The following SMYD4 variants were observed in gnomAD, a reference collection of about 807,000 sequenced individuals.
The protein encoded by SMYD4 is SET and MYND domain containing 4.
In SMYD4, 68 loss-of-function variants were observed where a neutral mutation model predicts 72.8. The observed-to-expected ratio is 0.93, with a 90% CI of 0.77 to 1.14. The LOEUF (loss-of-function observed/expected upper bound fraction) is 1.14, where lower values mean the gene tolerates loss of function less well. SMYD4 is among the 50% of genes most tolerant of loss of function. SMYD4 has a pLI of 0.00. For missense variants in SMYD4, 984 were observed against 1,003.7 expected (o/e 0.98, Z 0.27); for synonymous variants, 407 against 388.6 (o/e 1.05, Z -0.56).
intron 2 of SMYD4, among the ~76,000 whole-genome samples, chr17:1,819,945 G>A (rs1031092588): frequency 4.6e-5 from 7 of 152,082 alleles, no homozygotes; most frequent in Non-Finnish European, 7.4e-5. Context: ...CTGACACCAC[G>A]CCCAGCTAAT....
intron 2 of SMYD4, among the ~76,000 whole-genome samples, chr17:1,823,351 G>A (rs183072184): frequency 2.8e-4 from 36 of 128,794 alleles, no homozygotes; most frequent in African/African-American, 7.9e-4. Flanking sequence ...CCGAGATCAC[G>A]CCACTGCACT....
intron 2 of SMYD4, among the ~76,000 whole-genome samples, chr17:1,815,090 G>A (rs558072244): frequency 2.0e-5 from 3 of 150,926 alleles, no homozygotes; most frequent in African/African-American, 7.3e-5. Flanking sequence ...TTGAGATGGA[G>A]TCTCACTCTG....
chr17:1,781,567 G>T, intron 10 of SMYD4, 128 bp from the exon 11 acceptor site: 2 of 1,095,102 alleles, frequency 1.8e-6, no homozygotes, highest in Non-Finnish European at 2.5e-6. Flanking sequence ...ATCTAGAACA[G>T]TAAGTAAGAC....
chr17:1,804,634 G>T lies in SMYD4; in HGVS notation c.361C>A (p.Gln121Lys). Residue 121 changes from glutamine to lysine, a missense_variant, in exon 4 of 11, where the codon CAG becomes AAG. Coordinates refer to ENST00000305513, the MANE Select transcript of SMYD4 (RefSeq NM_052928.3). The part of the protein sequence containing the change: ...NRSAALFHLG[Q>K]YETCLKDINR... ...GGTATCCTGATACTCACCTCATACT[G>T]ACCCAGGTGGAAGAGGGCTGCCGAG... The T allele has an allele frequency of 6.2e-7, 1 of 1,613,422 alleles. No homozygotes were observed. The highest frequency in any genetic ancestry group is 1.1e-5 in the South Asian group (1 of 90,996).
chr17:1,795,628 A>T (rs1909362107), intron 5 of SMYD4, among the ~76,000 whole-genome samples: 1 of 151,630 alleles, frequency 6.6e-6, no homozygotes, highest in Non-Finnish European at 1.5e-5. Flanking sequence ...TTTTTAATAG[A>T]GACGGGTTTC....
chr17:1,811,495 T>G (rs1162422781), intron 3 of SMYD4, among the ~76,000 whole-genome samples: 1 of 152,226 alleles, frequency 6.6e-6, no homozygotes, highest in East Asian at 1.9e-4. Context: ...AAAACTACCT[T>G]TTGTTTCAGA....
chr17:1,816,582 G>A (rs991875492), intron 2 of SMYD4, among the ~76,000 whole-genome samples: 6 of 150,818 alleles, frequency 4.0e-5, no homozygotes, highest in East Asian at 2.0e-4. Context: ...AGCACACCAC[G>A]GCACTCCACC....
chr17:1,814,755 G>A (rs1485732114), intron 2 of SMYD4: 1 of 152,140 alleles, frequency 6.6e-6, no homozygotes, highest in Non-Finnish European at 1.5e-5. Flanking sequence ...CCTGGGAGGT[G>A]AAGGTTGCAG....
At chr17:1,823,579 A>G (rs568648626) in intron 2 of SMYD4, among the ~76,000 whole-genome samples, 54 of 152,092 alleles carry the variant, frequency 3.6e-4, no homozygotes, top group Non-Finnish European at 7.4e-4. Flanking sequence ...CCTGCTTTCA[A>G]GTACCCTTTC....
chr17:1,796,036 G>A (rs997046740), intron 5 of SMYD4, among the ~76,000 whole-genome samples: 2 of 151,992 alleles, frequency 1.3e-5, no homozygotes, highest in African/African-American at 4.8e-5. Context: ...CATAGATAAA[G>A]CCGATGTCTC....
chr17:1,823,393 CAAAAAAAAAA>C (rs57044082), intron 2 of SMYD4, among the ~76,000 whole-genome samples: 1 of 65,586 alleles, frequency 1.5e-5, no homozygotes, highest in Non-Finnish European at 2.7e-5. Context: ...GACTCCGTCT[CAAAAAAAAAA>C]AAAAAAAAAA....
intron 2 of SMYD4, among the ~76,000 whole-genome samples, chr17:1,812,773 T>A (rs180710406): frequency 5.3e-5 from 8 of 152,138 alleles, no homozygotes; most frequent in African/African-American, 1.9e-4. Context: ...GGTCTCGAAC[T>A]CCTGACCTCA....
chr17:1,815,917 C>T (rs1175382231), intron 2 of SMYD4, among the ~76,000 whole-genome samples: 1 of 152,058 alleles, frequency 6.6e-6, no homozygotes, highest in Non-Finnish European at 1.5e-5. Context: ...CCACACTGGT[C>T]TTGAACTCCT....
At chr17:1,797,933 C>CA (rs1373707109) in intron 5 of SMYD4, among the ~76,000 whole-genome samples, 1 of 151,742 alleles carries the variant, frequency 6.6e-6, no homozygotes, top group African/African-American at 2.4e-5. Context: ...ACCTGGCAGA[C>CA]AGAGGTTGCA....
Position 1,804,684 on chromosome 17 carries a change from T to A in SMYD4, c.311A>T (p.Asp104Val), listed in dbSNP as rs1159044819. The change falls in exon 4 of 11, where the codon GAC becomes GTC. Residue 104 changes from aspartate (D) to valine (V), a missense_variant. Transcript: ENST00000305513. ...GCGGTTAGCATGACACAGTGACATG[T>A]CCTCAGTGTTAGGCCTTGAATGTGA... is the stretch of plus-strand genomic sequence containing the variant. ...GVSHSRPNTE[D>V]MSLCHANRSA... 5 of 1,613,550 alleles carry A rather than the reference T, an allele frequency of 3.1e-6. No homozygotes were observed. Among genetic ancestry groups the A allele is most frequent in the Non-Finnish European group, 4.2e-6 (5 of 1,179,702 alleles).
At chr17:1,784,514 C>G (rs946537156) in intron 7 of SMYD4, 53 bp from the exon 8 acceptor site, 1 of 1,608,020 alleles carries the variant, frequency 6.2e-7, no homozygotes, top group African/African-American at 1.3e-5. Context: ...TTATCAACAC[C>G]GCCTGTGCTT....
intron 10 of SMYD4, chr17:1,782,645 G>C (rs756450015): frequency 6.1e-6 from 1 of 164,570 alleles, no homozygotes; most frequent in Non-Finnish European, 1.3e-5. Flanking sequence ...GGGCTGTGAC[G>C]AACCAGAGAA....
At chr17:1,785,805 G>A (rs1214723696) in intron 7 of SMYD4, among the ~76,000 whole-genome samples, 1 of 149,334 alleles carries the variant, frequency 6.7e-6, no homozygotes, top group Non-Finnish European at 1.5e-5. Flanking sequence ...AGAAAAAGGT[G>A]CTAGGTGCGA....
chr17:1,784,806 G>T (rs887795840), intron 7 of SMYD4, among the ~76,000 whole-genome samples: 4 of 151,786 alleles, frequency 2.6e-5, no homozygotes, highest in Admixed American at 1.3e-4. Context: ...AGTCTCGCTC[G>T]GTCTCCAGGC....
Sources: allele counts gnomAD v4.1 joint callset (sites outside exome capture counted in the v4.1 genomes callset), GRCh38; gene constraint gnomAD v4.1.1; transcripts MANE v1.5; gene names NCBI Gene and HGNC (gene_info 2026-07-23, HGNC 2026-07-21).